ZMYM2: variants seen among roughly 807,000 people sequenced by gnomAD.
The protein encoded by ZMYM2 is zinc finger MYM-type protein 2.
Under a neutral mutation model 162.8 loss-of-function variants are expected in ZMYM2, and 56 were observed. That is an observed-to-expected ratio of 0.34 (90% CI 0.28 to 0.43). The LOEUF (loss-of-function observed/expected upper bound fraction) is 0.43, where lower values mean the gene tolerates loss of function less well. Ranked by LOEUF, ZMYM2 falls within the 20% of genes least tolerant of loss-of-function variation. The probability of loss-of-function intolerance (pLI) is 1.00; values close to 1 mark genes in which losing one functional copy is unlikely to be tolerated. For synonymous variants in ZMYM2, 510 were observed against 541.6 expected, an observed-to-expected ratio of 0.94 and a Z score of 0.81; for missense variants, 1,275 against 1,621.8, an observed-to-expected ratio of 0.79 and a Z score of 3.67.
the ZMYM2 span, among the ~76,000 whole-genome samples, chr13:19,931,692 T>C: frequency 6.6e-6 from 1 of 152,206 alleles, no homozygotes; most frequent in Admixed American, 6.5e-5. Context: ...CGTGCAATCA[T>C]GGCTCACTGC....
At chr13:20,008,018 A>G (rs1001524667) in intron 6 of ZMYM2, among the ~76,000 whole-genome samples, 13 of 152,186 alleles carry the variant, frequency 8.5e-5, no homozygotes, top group Admixed American at 7.9e-4. Context: ...CAGTTTCCAA[A>G]TAGGTGAGCA....
the ZMYM2 span, among the ~76,000 whole-genome samples, chr13:19,906,164 A>C: frequency 1.3e-5 from 2 of 151,026 alleles, no homozygotes; most frequent in Non-Finnish European, 3.0e-5. Context: ...AATACCAGCT[A>C]TTTGGGAGGC....
the ZMYM2 span, among the ~76,000 whole-genome samples, chr13:19,867,840 G>C: frequency 6.6e-6 from 1 of 152,224 alleles, no homozygotes; most frequent in African/African-American, 2.4e-5. Context: ...TGGCCAGGCT[G>C]GTCTCGAACT....
chr13:20,081,790 T>G (rs1462340723), intron 21 of ZMYM2, among the ~76,000 whole-genome samples: 1 of 152,136 alleles, frequency 6.6e-6, no homozygotes, highest in East Asian at 1.9e-4. Flanking sequence ...CATTCTTGAT[T>G]CTGGGGTGTG....
rs1313849184 is a variant in ZMYM2, at chr13:19,981,297, AC to A, written c.-10-11765del. Among the ~76,000 whole-genome samples the A allele has an allele frequency of 1.5e-4, 19 of 130,302 alleles. No homozygotes were observed. In the East Asian group the frequency reaches 3.6e-3, roughly 24 times the overall value. The allele number at this position is 130,302 out of a possible 152,430, so 85.5% of individuals were successfully genotyped here. A position where few individuals can be genotyped will look rare whatever the true frequency, so the allele number is the denominator to read the frequency against. On this transcript the variant is annotated intron_variant, in intron 2 of 24. Coordinates refer to ENST00000610343, the MANE Select transcript of ZMYM2 (RefSeq NM_197968.4). Reference sequence around the variant, plus strand: ...AAAAAACAGAAAAAACAAAAAACAAACAAACAAAAAAAAAAACAAAAAACAA... The same window carrying A: ...AAAAAACAGAAAAAACAAAAAACAAAAAACAAAAAAAAAAACAAAAAACAA...
the ZMYM2 span, among the ~76,000 whole-genome samples, chr13:19,865,451 A>G: frequency 6.6e-6 from 1 of 152,222 alleles, no homozygotes; most frequent in Non-Finnish European, 1.5e-5. Context: ...GATATGCCTA[A>G]TATCACCTAC....
At chr13:19,951,583 T>C in the ZMYM2 span, among the ~76,000 whole-genome samples, 1 of 149,052 alleles carries the variant, frequency 6.7e-6, no homozygotes, top group Non-Finnish European at 1.5e-5. Context: ...GCGCATGTAA[T>C]TCCAGCTACT....
At chr13:20,030,590 G>T (rs1325278417) in intron 9 of ZMYM2, among the ~76,000 whole-genome samples, 1 of 152,086 alleles carries the variant, frequency 6.6e-6, no homozygotes. Flanking sequence ...AGTAGAGACG[G>T]GGTTTTACCG....
intron 6 of ZMYM2, among the ~76,000 whole-genome samples, chr13:20,009,359 C>T (rs1321014569): frequency 1.3e-5 from 2 of 152,112 alleles, no homozygotes; most frequent in African/African-American, 4.8e-5. Flanking sequence ...TAAACAATTC[C>T]AGAGCATAAA....
chr13:19,949,880 T>G, the ZMYM2 span, among the ~76,000 whole-genome samples: 2 of 115,996 alleles, frequency 1.7e-5, no homozygotes, highest in Admixed American at 1.1e-4. Flanking sequence ...GAGCGAGACT[T>G]TGTCAAAAAA....
At chr13:19,980,757 A>G (rs1331775139) in intron 2 of ZMYM2, among the ~76,000 whole-genome samples, 1 of 148,146 alleles carries the variant, frequency 6.8e-6, no homozygotes, top group Non-Finnish European at 1.5e-5. Flanking sequence ...CATCTCAAAA[A>G]AAAAAAAAAA....
At chr13:20,017,703 T>G (rs1448128910) in intron 6 of ZMYM2, among the ~76,000 whole-genome samples, 1 of 152,154 alleles carries the variant, frequency 6.6e-6, no homozygotes, top group Non-Finnish European at 1.5e-5. Flanking sequence ...TTGGGTACTT[T>G]TTATTATTCT....
At chr13:20,004,463 G>C (rs1950600644) in intron 4 of ZMYM2, among the ~76,000 whole-genome samples, 1 of 151,978 alleles carries the variant, frequency 6.6e-6, no homozygotes, top group Non-Finnish European at 1.5e-5. Context: ...CACCATGTTA[G>C]CCAGGATGGT....
the ZMYM2 span, among the ~76,000 whole-genome samples, chr13:19,885,111 C>T: frequency 4.7e-4 from 72 of 152,252 alleles, no homozygotes; most frequent in African/African-American, 1.6e-3. Context: ...CCCCACCCGA[C>T]CCAGAGGGCC....
At chr13:19,876,515 G>A in the ZMYM2 span, among the ~76,000 whole-genome samples, 4 of 151,538 alleles carry the variant, frequency 2.6e-5, no homozygotes, top group African/African-American at 9.7e-5. Context: ...TAGAGACGGG[G>A]TTTCACCATT....
the ZMYM2 span, among the ~76,000 whole-genome samples, chr13:19,937,882 T>C: frequency 2.0e-5 from 3 of 148,492 alleles, no homozygotes; most frequent in Admixed American, 1.4e-4. Flanking sequence ...AGTGAGAACA[T>C]GTGGTGTTTG....
intron 2 of ZMYM2, among the ~76,000 whole-genome samples, chr13:19,972,231 C>G (rs1360493358): frequency 6.6e-6 from 1 of 152,134 alleles, no homozygotes; most frequent in African/African-American, 2.4e-5. Context: ...TTTCTAAAGC[C>G]AGACTACCTT....
chr13:20,083,015 G>A lies in ZMYM2; in HGVS notation c.3803G>A (p.Cys1268Tyr). 1.2e-6 allele frequency: 2 copies of A among 1,612,330 alleles called. No individual in the cohort carries two copies. Among genetic ancestry groups the A allele is most frequent in the South Asian group, 1.1e-5 (1 of 90,802 alleles). The part of the protein sequence containing the change: ...ACLRYQVSSL[C>Y]GTDNEDKITT... ...CTTCGATACCAAGTGTCTTCCTTGTGTGGAACAGATAATGAAGGTAGTGTA... is the reference window on the plus strand; with the variant it reads ...CTTCGATACCAAGTGTCTTCCTTGTATGGAACAGATAATGAAGGTAGTGTA... Residue 1268 changes from cysteine to tyrosine, a missense_variant, in exon 23 of 25, where the codon TGT becomes TAT. Cys to Tyr is a radical substitution (Grantham distance 194, BLOSUM62 -2). This residue lies in a region of ZMYM2 where 103 missense variants were observed against 192.2 expected (regional missense o/e 0.54). Transcript: ENST00000610343.
chr13:20,062,375 G>A (rs940476503), intron 17 of ZMYM2, among the ~76,000 whole-genome samples: 1 of 152,048 alleles, frequency 6.6e-6, no homozygotes, highest in African/African-American at 2.4e-5. Flanking sequence ...TGCATTTCTT[G>A]CCATGATTAC....
Sources: allele counts gnomAD v4.1 joint callset (sites outside exome capture counted in the v4.1 genomes callset), GRCh38; gene constraint gnomAD v4.1.1; regional missense constraint gnomAD v4.1.1; transcripts MANE v1.5; gene names NCBI Gene and HGNC (gene_info 2026-07-23, HGNC 2026-07-21).